Variants in KLRG2 observed in about 807,000 individuals in gnomAD.
The protein encoded by KLRG2 is killer cell lectin like receptor G2, also known as killer cell lectin-like receptor subfamily G member 2.
In KLRG2, 39 loss-of-function variants were observed where a neutral mutation model predicts 35.4. The observed-to-expected ratio is 1.10, with a 90% CI of 0.85 to 1.44. The LOEUF (loss-of-function observed/expected upper bound fraction) is 1.44, where lower values mean the gene tolerates loss of function less well. Ranked by LOEUF, KLRG2 falls within the 40% of genes most tolerant of loss-of-function variation. The pLI is 0.00. For synonymous variants in KLRG2, 283 were observed against 265.8 expected, an observed-to-expected ratio of 1.06 and a Z score of -0.63; for missense variants, 632 against 570.9, an observed-to-expected ratio of 1.11 and a Z score of -1.09.
the KLRG2 span, among the ~76,000 whole-genome samples, chr7:139,435,730 A>C: frequency 2.6e-5 from 4 of 152,122 alleles, no homozygotes; most frequent in Non-Finnish European, 5.9e-5. Context: ...TTCCCTTAAC[A>C]CGATGCTGCT....
chr7:139,461,502 C>T (rs756949490), intron 3 of KLRG2, among the ~76,000 whole-genome samples: 2 of 152,302 alleles, frequency 1.3e-5, no homozygotes, highest in Middle Eastern at 3.4e-3. Context: ...CATCATATCC[C>T]CTGTGACCTG....
chr7:139,468,779 A>C (rs1018065338), intron 3 of KLRG2, among the ~76,000 whole-genome samples: 2 of 152,214 alleles, frequency 1.3e-5, no homozygotes, highest in African/African-American at 2.4e-5. Flanking sequence ...CCTAAAGTTC[A>C]TATGTGGGTG....
At chr7:139,452,187 A>G (rs919848394), downstream of KLRG2, among the ~76,000 whole-genome samples, 5 of 151,964 alleles carry the variant, frequency 3.3e-5, no homozygotes, top group African/African-American at 1.2e-4. Context: ...CCAGGCTGGC[A>G]GGCTGGTCTC....
In KLRG2 at chr7:139,453,190, C is replaced by T. The variant is rs73732785; in HGVS notation, c.*397G>A. On this transcript the variant is annotated 3_prime_UTR_variant, in exon 5 of 5. Coordinates refer to ENST00000340940, the MANE Select transcript of KLRG2 (RefSeq NM_198508.4). ...GCCAAGTCCCACTGCCACTGAACAA[C>T]GGCAGACTCATTTCCATGAGCCGGA... is the stretch of plus-strand genomic sequence containing the variant. 9.6e-3 allele frequency: 3,456 copies of T among 361,414 alleles called. 109 individuals are homozygous for T. Among genetic ancestry groups the T allele is most frequent in the African/African-American group, 0.066 (3,107 of 47,094 alleles). The allele number at this position is 361,414 out of a possible 1,614,324, so 22.4% of individuals were successfully genotyped here. A position where few individuals can be genotyped will look rare whatever the true frequency, so the allele number is the denominator to read the frequency against.
chr7:139,433,716 A>G, the KLRG2 span, among the ~76,000 whole-genome samples: 12 of 148,898 alleles, frequency 8.1e-5, no homozygotes, highest in African/African-American at 2.7e-4. Flanking sequence ...CGAGAATGCA[A>G]CCTCCACCTC....
chr7:139,456,574 A>G (rs898014884), intron 3 of KLRG2, among the ~76,000 whole-genome samples: 1 of 150,956 alleles, frequency 6.6e-6, no homozygotes, highest in African/African-American at 2.4e-5. Flanking sequence ...CTGGTCTTGA[A>G]CTCCTGACCT....
chr7:139,480,917 T>C (rs28582211), intron 1 of KLRG2, among the ~76,000 whole-genome samples: 7,115 of 152,038 alleles, frequency 0.047, 528 homozygotes, highest in African/African-American at 0.16. Context: ...CTAATTTTCA[T>C]ATCTTTAGTA....
the KLRG2 span, among the ~76,000 whole-genome samples, chr7:139,442,294 T>G: frequency 6.6e-6 from 1 of 152,184 alleles, no homozygotes; most frequent in Non-Finnish European, 1.5e-5. Flanking sequence ...AGCCTGCATC[T>G]GATGAGCTCA....
chr7:139,478,394 A>G, intron 3 of KLRG2, among the ~76,000 whole-genome samples: 1 of 134,728 alleles, frequency 7.4e-6, no homozygotes. Flanking sequence ...ACAACACTGG[A>G]CGCAGTGGCT....
chr7:139,459,288 T>G (rs1262683321), intron 3 of KLRG2, among the ~76,000 whole-genome samples: 1 of 152,226 alleles, frequency 6.6e-6, no homozygotes, highest in African/African-American at 2.4e-5. Flanking sequence ...CTGTTGGCAT[T>G]TGCTGTGCTC....
intron 3 of KLRG2, among the ~76,000 whole-genome samples, chr7:139,460,739 A>G (rs1796554445): frequency 6.6e-6 from 1 of 152,038 alleles, no homozygotes; most frequent in Non-Finnish European, 1.5e-5. Context: ...CAGGCAGATC[A>G]CTTGATGTCA....
chr7:139,439,536 A>G, the KLRG2 span, among the ~76,000 whole-genome samples: 1 of 152,308 alleles, frequency 6.6e-6, no homozygotes, highest in South Asian at 2.1e-4. Context: ...TGTTATCCTG[A>G]GCAGAGCAGC....
In KLRG2 at chr7:139,483,504, T is replaced by A. The variant is rs758259064; in HGVS notation, c.139A>T (p.Ser47Cys). The A allele has an allele frequency of 1.3e-6, 2 of 1,598,920 alleles. No homozygotes were observed. Among genetic ancestry groups the A allele is most frequent in the South Asian group, 2.2e-5 (2 of 90,564 alleles). Residue 47 changes from serine to cysteine, a missense_variant, in exon 1 of 5, where the codon AGC becomes TGC. Transcript: ENST00000340940. ...KVRQPEGPES[S>C]PSPAGAVEKA... ...TCCACGGCCCCGGCCGGACTTGGGCTGCTTTCGGGACCTTCAGGTTGTCGC... is the reference window on the plus strand; with the variant it reads ...TCCACGGCCCCGGCCGGACTTGGGCAGCTTTCGGGACCTTCAGGTTGTCGC...
intron 3 of KLRG2, among the ~76,000 whole-genome samples, chr7:139,455,266 A>G (rs1796451817): frequency 6.6e-6 from 1 of 151,120 alleles, no homozygotes; most frequent in Non-Finnish European, 1.5e-5. Context: ...TGATCTGTCC[A>G]TTTTAGCCTC....
At chr7:139,463,374 G>T (rs758766524) in intron 3 of KLRG2, among the ~76,000 whole-genome samples, 1 of 152,162 alleles carries the variant, frequency 6.6e-6, no homozygotes. Context: ...TCGCCTTCAA[G>T]GTGTACAATA....
At chr7:139,449,504 A>C (rs1283706510), downstream of KLRG2, among the ~76,000 whole-genome samples, 1 of 152,116 alleles carries the variant, frequency 6.6e-6, no homozygotes, top group African/African-American at 2.4e-5. Context: ...ACACTATTGG[A>C]GACTTTATAA....
At chr7:139,445,022 C>T in the KLRG2 span, among the ~76,000 whole-genome samples, 2 of 152,114 alleles carry the variant, frequency 1.3e-5, no homozygotes, top group Non-Finnish European at 2.9e-5. Flanking sequence ...TGGTTCATCC[C>T]TTCCTCCTCC....
the KLRG2 span, among the ~76,000 whole-genome samples, chr7:139,438,192 G>T: frequency 8.5e-5 from 13 of 152,230 alleles, no homozygotes; most frequent in Non-Finnish European, 1.2e-4. Flanking sequence ...GCTGAGATTG[G>T]TGGAGCCGGC....
intron 1 of KLRG2, among the ~76,000 whole-genome samples, chr7:139,481,304 T>C (rs1368071911): frequency 6.6e-6 from 1 of 152,242 alleles, no homozygotes; most frequent in Non-Finnish European, 1.5e-5. Context: ...TACATTTGTG[T>C]CACTTAAAGA....
Sources: allele counts gnomAD v4.1 joint callset (sites outside exome capture counted in the v4.1 genomes callset), GRCh38; gene constraint gnomAD v4.1.1; transcripts MANE v1.5; gene names NCBI Gene and HGNC (gene_info 2026-07-23, HGNC 2026-07-21).